Variants in UNC79 observed in about 807,000 individuals in gnomAD.
UNC79 encodes the protein protein unc-79 homolog.
Under a neutral mutation model 283.1 loss-of-function variants are expected in UNC79, and 37 were observed. The observed-to-expected ratio is 0.13, with a 90% CI of 0.10 to 0.17. UNC79 has a LOEUF of 0.17. Ranked by LOEUF, UNC79 falls within the 10% of genes least tolerant of loss-of-function variation. The pLI, the probability that UNC79 is intolerant of heterozygous loss-of-function variation, is 1.00. For missense variants in UNC79, 2,272 were observed against 3,211.1 expected, an observed-to-expected ratio of 0.71 and a Z score of 7.07; for synonymous variants, 1,107 against 1,200.2, an observed-to-expected ratio of 0.92 and a Z score of 1.61.
At chr14:93,632,173 C>T (rs2068082858) in intron 31 of UNC79, among the ~76,000 whole-genome samples, 1 of 152,202 alleles carries the variant, frequency 6.6e-6, no homozygotes, top group Non-Finnish European at 1.5e-5. Context: ...ACCACACTTC[C>T]TTTAAATAAT....
intron 20 of UNC79, 46 bp from the exon 21 acceptor site, chr14:93,586,550 G>A (rs753969541): frequency 2.7e-6 from 4 of 1,480,570 alleles, no homozygotes; most frequent in African/African-American, 2.8e-5. Context: ...GAATGATGGG[G>A]GAGAGGAAGA....
intron 1 of UNC79, among the ~76,000 whole-genome samples, chr14:93,360,491 G>A (rs1441825398): frequency 6.6e-6 from 1 of 152,184 alleles, no homozygotes; most frequent in Non-Finnish European, 1.5e-5. Flanking sequence ...CGGTTTCATT[G>A]CTTGAGCAAA....
chr14:93,469,391 T>C (rs983142253), intron 2 of UNC79, among the ~76,000 whole-genome samples: 3 of 152,076 alleles, frequency 2.0e-5, no homozygotes, highest in African/African-American at 4.8e-5. Flanking sequence ...ATAGTAACAA[T>C]TGCAACCATT....
intron 1 of UNC79, among the ~76,000 whole-genome samples, chr14:93,451,690 A>G (rs1566943869): frequency 6.6e-6 from 1 of 151,942 alleles, no homozygotes; most frequent in East Asian, 1.9e-4. Context: ...AATCCCCCAC[A>G]TTTTTTTTAG....
intron 4 of UNC79, among the ~76,000 whole-genome samples, chr14:93,487,422 C>T (rs745821292): frequency 1.3e-5 from 2 of 152,204 alleles, no homozygotes; most frequent in Non-Finnish European, 2.9e-5. Context: ...AAAGCCATTA[C>T]ATCACTTTCT....
At chr14:93,540,954 G>A in intron 13 of UNC79, 123 bp downstream of exon 13, 1 of 1,261,934 alleles carries the variant, frequency 7.9e-7, no homozygotes, top group Non-Finnish European at 1.1e-6. Flanking sequence ...TAGCAATGGG[G>A]CTGAAGCTAT....
intron 48 of UNC79, among the ~76,000 whole-genome samples, chr14:93,705,829 G>A (rs1304057709): frequency 6.6e-6 from 1 of 152,194 alleles, no homozygotes; most frequent in Admixed American, 6.5e-5. Flanking sequence ...TCTCCGAGTT[G>A]GGGAGGGATG....
intron 14 of UNC79, among the ~76,000 whole-genome samples, chr14:93,570,480 A>G (rs940458402): frequency 2.0e-5 from 3 of 152,158 alleles, no homozygotes; most frequent in Non-Finnish European, 2.9e-5. Context: ...CAGCCCATTG[A>G]CCTGTAAAGG....
chr14:93,668,354 A>T (rs553542411), intron 40 of UNC79, among the ~76,000 whole-genome samples: 24 of 152,336 alleles, frequency 1.6e-4, no homozygotes, highest in African/African-American at 5.1e-4. Context: ...ATTCAACTAC[A>T]GATGATTATA....
intron 30 of UNC79, among the ~76,000 whole-genome samples, chr14:93,624,601 A>G (rs1380914768): frequency 1.3e-5 from 2 of 152,184 alleles, no homozygotes; most frequent in African/African-American, 4.8e-5. Context: ...TCCCCAGACT[A>G]CCAGGGAGGA....
intron 1 of UNC79, among the ~76,000 whole-genome samples, chr14:93,352,561 A>C (rs11621859): frequency 0.16 from 24,441 of 152,060 alleles, 2,132 homozygotes; most frequent in East Asian, 0.31. Flanking sequence ...TACACTCATA[A>C]AGGTGTCACA....
intron 24 of UNC79, among the ~76,000 whole-genome samples, chr14:93,600,125 G>A (rs191709389): frequency 9.4e-4 from 143 of 152,042 alleles, no homozygotes; most frequent in African/African-American, 3.2e-3. Context: ...GCTTGAACCC[G>A]GGAGGCGGAG....
At chr14:93,656,803 A>T (rs972742202) in intron 38 of UNC79, among the ~76,000 whole-genome samples, 14 of 152,210 alleles carry the variant, frequency 9.2e-5, no homozygotes, top group Non-Finnish European at 1.8e-4. Context: ...GTGCCACTGC[A>T]CTCCAGCCTG....
intron 1 of UNC79, among the ~76,000 whole-genome samples, chr14:93,460,531 A>G (rs2056930469): frequency 6.6e-6 from 1 of 151,418 alleles, no homozygotes; most frequent in Non-Finnish European, 1.5e-5. Flanking sequence ...AAAAAAGTAT[A>G]TAGAGCACCT....
At chr14:93,574,906 A>G (rs543878345) in intron 16 of UNC79, 152 bp from the exon 17 acceptor site, 1 of 832,374 alleles carries the variant, frequency 1.2e-6, no homozygotes, top group African/African-American at 1.8e-5. Context: ...CTTAGTATGA[A>G]AATTGGAGGA....
chr14:93,373,256 T>C (rs1425118213), intron 1 of UNC79, among the ~76,000 whole-genome samples: 1 of 151,984 alleles, frequency 6.6e-6, no homozygotes, highest in African/African-American at 2.4e-5. Context: ...GAAGAGCAAA[T>C]TAAATCCAAG....
chr14:93,657,648 GCTGAGGTATGGCAAATTTAAATGCCTGT>G (rs1566872847), intron 38 of UNC79, among the ~76,000 whole-genome samples: 2 of 152,320 alleles, frequency 1.3e-5, no homozygotes, highest in Admixed American at 1.3e-4. Flanking sequence ...AAAGCGCCCG[GCTGAGGTATGGCAAATTTAAATGCCTGT>G]GTGCCGATGT....
At chr14:93,707,766 T>G (rs1387148971), downstream of UNC79, 1 of 152,254 alleles carries the variant, frequency 6.6e-6, no homozygotes. Context: ...CGTTGGACTG[T>G]GCATTCCAAA....
At chr14:93,642,230 C>T (rs1197725306) in intron 33 of UNC79, among the ~76,000 whole-genome samples, 1 of 151,962 alleles carries the variant, frequency 6.6e-6, no homozygotes, top group African/African-American at 2.4e-5. Flanking sequence ...CGAGACCATC[C>T]TGGCTAACAT....
Sources: allele counts gnomAD v4.1 joint callset (sites outside exome capture counted in the v4.1 genomes callset), GRCh38; gene constraint gnomAD v4.1.1; transcripts MANE v1.5; gene names NCBI Gene and HGNC (gene_info 2026-07-23, HGNC 2026-07-21).